Variants in MAD1L1 observed in about 807,000 individuals in gnomAD.
The protein encoded by MAD1L1 is mitotic spindle assembly checkpoint protein MAD1.
MAD1L1 carries 95 observed loss-of-function variants against 96.9 expected under a neutral mutation model. The ratio of observed to expected loss-of-function variants is 0.98; its 90% CI spans 0.83 to 1.16. The LOEUF is 1.16. Ranked by LOEUF, MAD1L1 falls within the 50% of genes most tolerant of loss-of-function variation. MAD1L1 has a pLI of 0.00. For missense variants in MAD1L1, 1,007 were observed against 954.4 expected (o/e 1.06, Z -0.73); for synonymous variants, 473 against 396.6 (o/e 1.19, Z -2.29).
chr7:2,126,257 G>A (rs991282686), intron 11 of MAD1L1, among the ~76,000 whole-genome samples: 2 of 152,226 alleles, frequency 1.3e-5, no homozygotes, highest in African/African-American at 4.8e-5. Context: ...GACGGGGGAC[G>A]CCCACAGAGT....
chr7:2,228,330 C>T (rs555256752), intron 3 of MAD1L1, among the ~76,000 whole-genome samples: 2 of 152,272 alleles, frequency 1.3e-5, no homozygotes, highest in Admixed American at 1.3e-4. Flanking sequence ...GGCGCGATGG[C>T]TCACTGCAAC....
chr7:2,055,098 G>T (rs6964178), intron 12 of MAD1L1, among the ~76,000 whole-genome samples: 10,223 of 152,306 alleles, frequency 0.067, 1,092 homozygotes, highest in African/African-American at 0.23. Context: ...CAGAGGAAGC[G>T]GGGCCAAGCC....
intron 16 of MAD1L1, among the ~76,000 whole-genome samples, chr7:1,941,277 G>A (rs1186173095): frequency 6.6e-6 from 1 of 152,182 alleles, no homozygotes; most frequent in Non-Finnish European, 1.5e-5. Context: ...GAGAGCCAGA[G>A]GCACAGCCCC....
intron 10 of MAD1L1, among the ~76,000 whole-genome samples, chr7:2,195,668 C>A (rs1416541033): frequency 6.6e-6 from 1 of 152,244 alleles, no homozygotes; most frequent in East Asian, 1.9e-4. Context: ...CCTCCGCGAA[C>A]AAGATAGTAT....
chr7:1,834,917 C>T (rs988789209), intron 18 of MAD1L1, among the ~76,000 whole-genome samples: 3 of 151,942 alleles, frequency 2.0e-5, no homozygotes, highest in African/African-American at 4.8e-5. Context: ...CAAAACAAAA[C>T]GGTTAGCAAT....
At chr7:2,069,409 C>G in intron 11 of MAD1L1, 71 bp from the exon 12 acceptor site, 1 of 1,417,190 alleles carries the variant, frequency 7.1e-7, no homozygotes, top group Non-Finnish European at 9.3e-7. Flanking sequence ...CCGCCCCACC[C>G]CAGGAACGAG....
intron 12 of MAD1L1, among the ~76,000 whole-genome samples, chr7:2,062,969 T>G (rs1175212086): frequency 6.6e-6 from 1 of 152,144 alleles, no homozygotes; most frequent in Admixed American, 6.5e-5. Flanking sequence ...CGTGGCTCTA[T>G]GTACAGAAAA....
At chr7:2,215,809 C>T (rs1036626074) in intron 9 of MAD1L1, 76 bp downstream of exon 9, 8 of 1,344,326 alleles carry the variant, frequency 6.0e-6, no homozygotes, top group Middle Eastern at 1.8e-4. Context: ...AGCTGGTGGG[C>T]GTGACCACAA....
At chr7:2,228,865 C>A (rs561979016) in intron 3 of MAD1L1, among the ~76,000 whole-genome samples, 1 of 151,998 alleles carries the variant, frequency 6.6e-6, no homozygotes, top group South Asian at 2.1e-4. Context: ...TCCAGCCTCC[C>A]GAGTAGCTGG....
chr7:1,881,310 T>C (rs1158366719), intron 18 of MAD1L1, among the ~76,000 whole-genome samples: 3 of 152,210 alleles, frequency 2.0e-5, no homozygotes, highest in Non-Finnish European at 2.9e-5. Flanking sequence ...GTTATTTATA[T>C]CCTGGTGTTC....
intron 15 of MAD1L1, among the ~76,000 whole-genome samples, chr7:1,967,972 CAG>C (rs1780241011): frequency 6.6e-6 from 1 of 152,136 alleles, no homozygotes; most frequent in Non-Finnish European, 1.5e-5. Context: ...GATCAGAACA[CAG>C]AGCACGTGGC....
intron 14 of MAD1L1, among the ~76,000 whole-genome samples, chr7:1,995,570 G>A (rs554962763): frequency 6.6e-6 from 1 of 152,310 alleles, no homozygotes; most frequent in East Asian, 1.9e-4. Context: ...CCCAGGAGAG[G>A]CCGCCTCCAG....
At chr7:2,139,701 C>T (rs1584411310) in intron 11 of MAD1L1, among the ~76,000 whole-genome samples, 3 of 152,178 alleles carry the variant, frequency 2.0e-5, no homozygotes, top group East Asian at 3.9e-4. Context: ...GGGAGGAAGC[C>T]GGGCTTCGGC....
intron 13 of MAD1L1, among the ~76,000 whole-genome samples, chr7:2,007,331 G>A (rs541352208): frequency 2.5e-4 from 38 of 152,230 alleles, no homozygotes; most frequent in Non-Finnish European, 5.0e-4. Flanking sequence ...GCAGTAACGC[G>A]TCACTGGACC....
intron 11 of MAD1L1, among the ~76,000 whole-genome samples, chr7:2,126,834 C>T (rs555514273): frequency 4.6e-5 from 7 of 152,340 alleles, no homozygotes; most frequent in South Asian, 2.1e-4. Context: ...CCCCATGGGT[C>T]GGGCTTCATT....
chr7:2,212,601 T>G (rs965102929), intron 10 of MAD1L1, among the ~76,000 whole-genome samples: 1 of 152,142 alleles, frequency 6.6e-6, no homozygotes, highest in African/African-American at 2.4e-5. Flanking sequence ...GCTCTCTCAT[T>G]CCTGTTTTTG....
chr7:2,079,711 G>C (rs1292648392), intron 11 of MAD1L1: 1 of 470,868 alleles, frequency 2.1e-6, no homozygotes, highest in Non-Finnish European at 4.4e-6. Flanking sequence ...TAATCGCCTG[G>C]GCAGGGCTCC....
At chr7:1,953,657 G>T (rs1013915936) in intron 16 of MAD1L1, among the ~76,000 whole-genome samples, 1 of 152,284 alleles carries the variant, frequency 6.6e-6, no homozygotes, top group Non-Finnish European at 1.5e-5. Context: ...GGGATAAAGA[G>T]ATGTCAGGAA....
At chr7:2,162,195 C>A (rs1431995592) in intron 10 of MAD1L1, among the ~76,000 whole-genome samples, 1 of 148,852 alleles carries the variant, frequency 6.7e-6, no homozygotes, top group Admixed American at 6.7e-5. Flanking sequence ...GTTACTGTGT[C>A]TGTGTAGAAA....
Sources: allele counts gnomAD v4.1 joint callset (sites outside exome capture counted in the v4.1 genomes callset), GRCh38; gene constraint gnomAD v4.1.1; transcripts MANE v1.5; gene names NCBI Gene and HGNC (gene_info 2026-07-23, HGNC 2026-07-21).